Variants in GDI2 observed in about 807,000 individuals in gnomAD.
GDI2 encodes rab GDP dissociation inhibitor beta.
In GDI2, 22 loss-of-function variants were observed where a neutral mutation model predicts 54.2. The observed-to-expected ratio is 0.41, with a 90% CI of 0.29 to 0.58. The LOEUF is 0.58. Among genes scored for constraint, GDI2 ranks in the 20% least tolerant of loss-of-function variants. GDI2 has a pLI of 0.35. For synonymous variants in GDI2, 177 were observed against 182.1 expected (o/e 0.97, Z 0.23); for missense variants, 422 against 546.0 (o/e 0.77, Z 2.26).
chr10:5,802,820 G>C (rs541873757), intron 1 of GDI2, among the ~76,000 whole-genome samples: 1 of 152,038 alleles, frequency 6.6e-6, no homozygotes, highest in Non-Finnish European at 1.5e-5. Context: ...TCACACAGGA[G>C]GAAAAAAGAG....
chr10:5,786,551 T>C (rs2131699590), intron 4 of GDI2, among the ~76,000 whole-genome samples: 1 of 152,256 alleles, frequency 6.6e-6, no homozygotes, highest in African/African-American at 2.4e-5. Flanking sequence ...TTATAACAGG[T>C]TACTTATAAA....
At chr10:5,805,258 G>C (rs888430596) in intron 1 of GDI2, among the ~76,000 whole-genome samples, 8 of 151,206 alleles carry the variant, frequency 5.3e-5, no homozygotes, top group African/African-American at 1.5e-4. Context: ...CAAACTTCAG[G>C]TTGTATCCAA....
At chr10:5,794,188 AATAT>A (rs1165735549) in intron 4 of GDI2, among the ~76,000 whole-genome samples, 534 of 40,158 alleles carry the variant, frequency 0.013, 9 homozygotes, top group Middle Eastern at 0.04. Flanking sequence ...AAAAAAAAAA[AATAT>A]ATATATATAT....
intron 2 of GDI2, among the ~76,000 whole-genome samples, chr10:5,800,393 T>G (rs2175629): frequency 6.6e-6 from 1 of 152,180 alleles, no homozygotes; most frequent in African/African-American, 2.4e-5. Flanking sequence ...TCTCTGTTAA[T>G]GCTAAGAGAT....
Position 5,765,711 on chromosome 10 carries a change from A to T in GDI2, c.*295T>A, listed in dbSNP as rs1049912904. On this transcript the variant is annotated 3_prime_UTR_variant, in exon 11 of 11. Coordinates refer to ENST00000380191, the MANE Select transcript of GDI2 (RefSeq NM_001494.4). ...ACATAGCTACACTGATTAAAAGATT[A>T]AAAAAACTGTCTCAAGTTGTCTGTG... 11 of 313,824 alleles carry T rather than the reference A, an allele frequency of 3.5e-5. No individual in the cohort carries two copies. Among genetic ancestry groups the T allele is most frequent in the Admixed American group, 2.0e-4 (4 of 20,146 alleles). 19.4% of individuals were successfully genotyped at this position (313,824 alleles called of 1,614,324 possible). A position where few individuals can be genotyped will look rare whatever the true frequency, so the allele number is the denominator to read the frequency against.
At chr10:5,800,434 T>C (rs1176293038) in intron 2 of GDI2, among the ~76,000 whole-genome samples, 164 bp downstream of exon 2, 1 of 152,196 alleles carries the variant, frequency 6.6e-6, no homozygotes, top group Non-Finnish European at 1.5e-5. Flanking sequence ...AAAGTCAAAA[T>C]GTAAATTTCT....
At position 5,765,325 on chromosome 10, in the gene GDI2, G is replaced by A. The variant is rs889007176; in HGVS notation, c.*681C>T. The A allele has an allele frequency of 6.6e-6, 1 of 152,654 alleles. No individual in the cohort carries two copies. Among genetic ancestry groups the A allele is most frequent in the African/African-American group, 2.4e-5 (1 of 41,450 alleles). The allele number at this position is 152,654 out of a possible 1,614,324, so 9.5% of individuals were successfully genotyped here. On this transcript the variant is annotated 3_prime_UTR_variant, in exon 11 of 11. Coordinates refer to ENST00000380191, the MANE Select transcript of GDI2 (RefSeq NM_001494.4). ...CAAGTCAATACTGCATTGCAGCTTG[G>A]TCCACTGAAGAAGCCACGCCTGAGA...
chr10:5,785,562 GA>G (rs958358761), intron 5 of GDI2, among the ~76,000 whole-genome samples: 21 of 152,178 alleles, frequency 1.4e-4, no homozygotes, highest in Non-Finnish European at 2.9e-4. Context: ...TTTTAGTAGA[GA>G]GGGGGTTTCA....
intron 1 of GDI2, among the ~76,000 whole-genome samples, chr10:5,806,825 C>A (rs1841389249): frequency 6.6e-6 from 1 of 152,172 alleles, no homozygotes; most frequent in Non-Finnish European, 1.5e-5. Flanking sequence ...ACATTCCCAG[C>A]TGACAAAAGT....
chr10:5,766,486 C>T lies in GDI2; in HGVS notation c.1136+8G>A, dbSNP rs1840338456. 3 of 1,612,866 alleles carry T rather than the reference C, an allele frequency of 1.9e-6. No homozygotes were observed. Among genetic ancestry groups the T allele is most frequent in the Non-Finnish European group, 2.5e-6 (3 of 1,179,718 alleles). ...GCATCTCGGCAGATATAAAAGAACA[C>T]AACTCACTTCTGTTCAATTGGTTCC... On this transcript the variant is annotated splice_region_variant and intron_variant, in intron 9 of 10. Coordinates refer to ENST00000380191, the MANE Select transcript of GDI2 (RefSeq NM_001494.4). This position sits in a 1 kb window ranked among gnomAD's most constrained non-coding sequence, Gnocchi z 5.8.
chr10:5,806,289 T>G (rs1298521004), intron 1 of GDI2, among the ~76,000 whole-genome samples: 1 of 151,864 alleles, frequency 6.6e-6, no homozygotes, highest in Non-Finnish European at 1.5e-5. Context: ...GATTAATGAT[T>G]AGGGACCGGG....
At chr10:5,775,260 C>T (rs1177449869) in intron 6 of GDI2, among the ~76,000 whole-genome samples, 2 of 151,820 alleles carry the variant, frequency 1.3e-5, no homozygotes, top group East Asian at 4.0e-4. Context: ...TGCACTCCAG[C>T]CCGGGTAACA....
chr10:5,796,757 CT>C lies in GDI2; in HGVS notation c.253+5del. 1 of 1,317,344 alleles carries C rather than the reference CT, an allele frequency of 7.6e-7. No individual in the cohort carries two copies. The highest frequency in any genetic ancestry group is 1.1e-6 in the Non-Finnish European group (1 of 911,964). The allele number at this position is 1,317,344 out of a possible 1,614,324, so 81.6% of individuals were successfully genotyped here. On this transcript the variant is annotated splice_donor_5th_base_variant and intron_variant, in intron 3 of 10. Transcript: ENST00000380191. ...CTGTCATAAATTTAAGTTAGAAATT[CT>C]TTACCATTAGCCATAAGGAACTTGG...
In GDI2 at chr10:5,768,169, A is replaced by G. The variant is rs1840402968; in HGVS notation, c.991+44T>C. ...TGGGATAAAACACAAAGCAAATTATATCTTACAAAATTCTACCAACATCTG... is the reference window on the plus strand; with the variant it reads ...TGGGATAAAACACAAAGCAAATTATGTCTTACAAAATTCTACCAACATCTG... On this transcript the variant is annotated intron_variant, in intron 8 of 10. Transcript: ENST00000380191. This position sits in a 1 kb window ranked among gnomAD's most constrained non-coding sequence, Gnocchi z 4.4. 1 of 1,522,728 alleles carries G rather than the reference A, an allele frequency of 6.6e-7. No homozygotes were observed. The highest frequency in any genetic ancestry group is 1.7e-5 in the Admixed American group (1 of 58,668). The allele number at this position is 1,522,728 out of a possible 1,614,324, so 94.3% of individuals were successfully genotyped here. A position where few individuals can be genotyped will look rare whatever the true frequency, so the allele number is the denominator to read the frequency against.
At chr10:5,801,738 T>C (rs1841273655) in intron 1 of GDI2, among the ~76,000 whole-genome samples, 1 of 151,934 alleles carries the variant, frequency 6.6e-6, no homozygotes, top group Non-Finnish European at 1.5e-5. Flanking sequence ...TGGCCAGGCA[T>C]GGTGGCTCAC....
intron 4 of GDI2, among the ~76,000 whole-genome samples, 168 bp downstream of exon 4, chr10:5,794,717 A>G (rs1233301686): frequency 1.3e-5 from 2 of 152,180 alleles, no homozygotes; most frequent in Non-Finnish European, 2.9e-5. Context: ...GAATTTTTGA[A>G]CATTTTGTTC....
rs200093966 is a variant in GDI2 at position 5,767,239 on chromosome 10, A to G, written c.992-601T>C. The stretch of plus-strand genomic sequence containing the variant: ...CCTCCTTTATTCTTTTCAGACTTGC[A>G]AGGACCCAGGACCCGCCTGGGAACC... On this transcript the variant is annotated intron_variant, in intron 8 of 10. Coordinates refer to ENST00000380191, the MANE Select transcript of GDI2 (RefSeq NM_001494.4). Among the ~76,000 whole-genome samples the G allele has an allele frequency of 1.4e-4, 21 of 151,222 alleles. 1 individual carries two copies. The East Asian group carries it at 4.1e-3, about 29-fold the overall frequency.
chr10:5,803,887 T>TA (rs1164867020), intron 1 of GDI2, among the ~76,000 whole-genome samples: 1 of 152,170 alleles, frequency 6.6e-6, no homozygotes, highest in African/African-American at 2.4e-5. Context: ...AAATCTTTAA[T>TA]ATTTCTCAAA....
At chr10:5,773,060 T>C (rs769779305) in intron 7 of GDI2, among the ~76,000 whole-genome samples, 5 of 152,078 alleles carry the variant, frequency 3.3e-5, no homozygotes, top group Non-Finnish European at 7.4e-5. Context: ...CCCAAGTCAG[T>C]CCTGTATTTT....
Sources: allele counts gnomAD v4.1 joint callset (sites outside exome capture counted in the v4.1 genomes callset), GRCh38; gene constraint gnomAD v4.1.1; non-coding constraint Gnocchi (gnomAD v3.1); transcripts MANE v1.5; gene names NCBI Gene and HGNC (gene_info 2026-07-23, HGNC 2026-07-21).